The following MDGA2 variants were observed in gnomAD, a reference collection of about 807,000 sequenced individuals.
The protein encoded by MDGA2 is MAM domain-containing glycosylphosphatidylinositol anchor protein 2.
A neutral mutation model predicts 117.8 loss-of-function variants in MDGA2; 40 were observed. That is an observed-to-expected ratio of 0.34 (90% confidence interval 0.26 to 0.44). The LOEUF is 0.44. Ranked by LOEUF, MDGA2 falls within the 20% of genes least tolerant of loss-of-function variation. The pLI is 1.00. For synonymous variants in MDGA2, 452 were observed against 439.0 expected (o/e 1.03, Z -0.37); for missense variants, 1,123 against 1,250.6 (o/e 0.90, Z 1.54).
intron 6 of MDGA2, among the ~76,000 whole-genome samples, chr14:47,065,457 A>G (rs1890045635): frequency 6.6e-6 from 1 of 152,168 alleles, no homozygotes. Flanking sequence ...GGTTCAATGG[A>G]AGACTCCTGT....
chr14:47,351,975 A>T (rs147894847), intron 1 of MDGA2, among the ~76,000 whole-genome samples: 154 of 152,096 alleles, frequency 1.0e-3, no homozygotes, highest in African/African-American at 3.5e-3. Flanking sequence ...ATATAATTCC[A>T]TGAGACTTAT....
At position 47,421,899 on chromosome 14, in the gene MDGA2, T is replaced by A. The variant is rs1322718802; in HGVS notation, c.281-120349A>T. On this transcript the variant is annotated intron_variant, in intron 1 of 16. Coordinates refer to ENST00000399232, the MANE Select transcript of MDGA2 (RefSeq NM_001113498.3). ...GGTGTTAGATCATCTGCTAATTGTGTTGACTTTTAAATTCATTTTTTTTCA... is the reference window on the plus strand; with the variant it reads ...GGTGTTAGATCATCTGCTAATTGTGATGACTTTTAAATTCATTTTTTTTCA... Among the ~76,000 whole-genome samples, 4 of 152,320 alleles carry A rather than the reference T, an allele frequency of 2.6e-5. No homozygotes were observed. The East Asian group carries it at 5.8e-4, about 22-fold the overall frequency.
intron 1 of MDGA2, among the ~76,000 whole-genome samples, chr14:47,470,334 C>A (rs1435417911): frequency 2.2e-5 from 3 of 135,844 alleles, no homozygotes; most frequent in African/African-American, 8.2e-5. Flanking sequence ...TCTCATTGTT[C>A]AACTCTCACT....
intron 1 of MDGA2, among the ~76,000 whole-genome samples, chr14:47,641,980 AGTG>A (rs1897433820): frequency 6.6e-6 from 1 of 152,074 alleles, no homozygotes; most frequent in African/African-American, 2.4e-5. Flanking sequence ...CTAGAACCCA[AGTG>A]GTGAAGAATG....
intron 1 of MDGA2, among the ~76,000 whole-genome samples, chr14:47,447,914 A>G (rs1218541970): frequency 6.6e-6 from 1 of 152,082 alleles, no homozygotes; most frequent in East Asian, 1.9e-4. Context: ...TATGTATTTG[A>G]TCTTGGTCCC....
At chr14:47,477,763 A>G (rs773425699) in intron 1 of MDGA2, among the ~76,000 whole-genome samples, 6 of 152,232 alleles carry the variant, frequency 3.9e-5, no homozygotes, top group Non-Finnish European at 8.8e-5. Flanking sequence ...TAGAATAAAT[A>G]TGTGAGAAGG....
At position 47,610,394 on chromosome 14, in the gene MDGA2, T is replaced by C. The variant is rs544600924; in HGVS notation, c.280+64123A>G. On this transcript the variant is annotated intron_variant, in intron 1 of 16. Coordinates refer to ENST00000399232, the MANE Select transcript of MDGA2 (RefSeq NM_001113498.3). ...AAACTGTCACAGTTTGCTGATGATA[T>C]GATCGTTTATCGTGAAAACCCTAAT... 2.4e-4 allele frequency among the ~76,000 whole-genome samples: 36 copies of C among 152,190 alleles called. No homozygotes were observed. The South Asian group carries it at 7.0e-3, about 30-fold the overall frequency.
intron 9 of MDGA2, among the ~76,000 whole-genome samples, chr14:46,952,636 T>C (rs969783227): frequency 6.6e-6 from 1 of 151,940 alleles, no homozygotes; most frequent in Non-Finnish European, 1.5e-5. Context: ...GGCTGAAGAA[T>C]AATGATTAAC....
chr14:46,963,446 C>T (rs1885890681), intron 8 of MDGA2, among the ~76,000 whole-genome samples: 1 of 152,232 alleles, frequency 6.6e-6, no homozygotes. Flanking sequence ...TTCAGGACTT[C>T]AAGGTCCTGC....
At chr14:46,985,035 G>A (rs1302398088) in intron 8 of MDGA2, among the ~76,000 whole-genome samples, 1 of 151,940 alleles carries the variant, frequency 6.6e-6, no homozygotes, top group Admixed American at 6.6e-5. Context: ...GAATTAGACA[G>A]CAGTAAAAGA....
At chr14:47,002,115 A>C (rs1182418979) in intron 8 of MDGA2, among the ~76,000 whole-genome samples, 1 of 152,104 alleles carries the variant, frequency 6.6e-6, no homozygotes, top group Non-Finnish European at 1.5e-5. Flanking sequence ...TGTAATGCAA[A>C]TATTAGACTA....
At chr14:47,316,573 TA>T (rs1889817152) in intron 1 of MDGA2, among the ~76,000 whole-genome samples, 2 of 152,074 alleles carry the variant, frequency 1.3e-5, no homozygotes, top group Admixed American at 1.3e-4. Flanking sequence ...ACAAACAACT[TA>T]AATATATAAA....
chr14:47,570,633 C>T (rs1372700826), intron 1 of MDGA2, among the ~76,000 whole-genome samples: 1 of 152,092 alleles, frequency 6.6e-6, no homozygotes, highest in Non-Finnish European at 1.5e-5. Flanking sequence ...TTTGACAAAC[C>T]TTACAGAAAC....
At chr14:46,887,295 TGAAAAAACTGAGGCAGA>T (rs1181174336) in intron 10 of MDGA2, among the ~76,000 whole-genome samples, 1 of 151,976 alleles carries the variant, frequency 6.6e-6, no homozygotes, top group Non-Finnish European at 1.5e-5. Context: ...ATTTCATGAA[TGAAAAAACTGAGGCAGA>T]GACAGGTTAA....
chr14:46,963,111 G>A (rs1235375665), intron 8 of MDGA2, among the ~76,000 whole-genome samples: 2 of 152,088 alleles, frequency 1.3e-5, no homozygotes, highest in Non-Finnish European at 2.9e-5. Flanking sequence ...TTTGGGTTTG[G>A]GGTATGTGAA....
At chr14:47,058,972 C>A in intron 7 of MDGA2, 1 of 980,030 alleles carries the variant, frequency 1.0e-6, no homozygotes, top group Non-Finnish European at 1.2e-6. Flanking sequence ...TCACTGGACA[C>A]CACAAATTGA....
At chr14:47,307,058 C>T (rs1889476293) in intron 1 of MDGA2, among the ~76,000 whole-genome samples, 1 of 152,176 alleles carries the variant, frequency 6.6e-6, no homozygotes, top group African/African-American at 2.4e-5. Context: ...TTTCATAAAA[C>T]ACTTCTCAGT....
rs1020279987 is a variant in MDGA2 at position 47,494,576 on chromosome 14, G to A, written c.280+179941C>T. On this transcript the variant is annotated intron_variant, in intron 1 of 16. Transcript: ENST00000399232. ...GTTTTTGTTGCATTTTCTTTTGAGG[G>A]TTTAGCCATAAATTATTTGTCTAGA... Among the ~76,000 whole-genome samples, 4 of 152,090 alleles carry A rather than the reference G, an allele frequency of 2.6e-5. No homozygotes were observed. The East Asian group carries it at 7.7e-4, about 29-fold the overall frequency.
intron 10 of MDGA2, among the ~76,000 whole-genome samples, chr14:46,904,080 T>G (rs1290061211): frequency 6.6e-6 from 1 of 152,092 alleles, no homozygotes; most frequent in Non-Finnish European, 1.5e-5. Flanking sequence ...TGGCCAATTT[T>G]GGGCCAGGCA....
Sources: allele counts gnomAD v4.1 joint callset (sites outside exome capture counted in the v4.1 genomes callset), GRCh38; gene constraint gnomAD v4.1.1; transcripts MANE v1.5; gene names NCBI Gene and HGNC (gene_info 2026-07-23, HGNC 2026-07-21).